GALK2: variants seen among roughly 807,000 people sequenced by gnomAD.
The protein encoded by GALK2 is galactokinase 2, also known as N-acetylgalactosamine kinase.
GALK2 carries 36 observed loss-of-function variants against 52.4 expected under a neutral mutation model. The ratio of observed to expected loss-of-function variants is 0.69; its 90% CI spans 0.53 to 0.91. GALK2 has a LOEUF of 0.91. GALK2 is among the 40% of genes least tolerant of loss of function. GALK2 has a pLI of 0.00. For missense variants in GALK2, 579 were observed against 559.1 expected (o/e 1.04, Z -0.36); for synonymous variants, 176 against 199.1 (o/e 0.88, Z 0.98).
intron 3 of GALK2, among the ~76,000 whole-genome samples, chr15:49,338,306 T>C (rs2040115167): frequency 6.6e-6 from 1 of 152,232 alleles, no homozygotes; most frequent in African/African-American, 2.4e-5. Flanking sequence ...CTTTCAGCTC[T>C]TGGAGGGCAG....
chr15:49,287,941 TTCTCTG>T (rs1363820080), intron 7 of GALK2, among the ~76,000 whole-genome samples: 1 of 112,330 alleles, frequency 8.9e-6, no homozygotes, highest in Non-Finnish European at 1.9e-5. Flanking sequence ...CTCATCTTGT[TTCTCTG>T]TCTCTGTCTC....
intron 1 of GALK2, among the ~76,000 whole-genome samples, chr15:49,178,195 C>CTATATATATATATATATA (rs71120671): frequency 1.5e-3 from 75 of 50,446 alleles, no homozygotes; most frequent in South Asian, 2.0e-3. Context: ...AAAAGAAATA[C>CTATATATATATATATATA]TATATATATA....
intron 8 of GALK2, among the ~76,000 whole-genome samples, chr15:49,306,669 G>A (rs774016719): frequency 6.6e-6 from 1 of 152,160 alleles, no homozygotes; most frequent in Non-Finnish European, 1.5e-5. Flanking sequence ...GCATGACCAT[G>A]TTTCTCATAG....
At chr15:49,365,899 T>C in intron 3 of GALK2, 1 of 959,098 alleles carries the variant, frequency 1.0e-6, no homozygotes. Context: ...AGCAAGAGAG[T>C]TGTACAGACT....
chr15:49,282,370 G>C (rs2032824100), intron 6 of GALK2, among the ~76,000 whole-genome samples: 2 of 152,064 alleles, frequency 1.3e-5, no homozygotes, highest in East Asian at 1.9e-4. Context: ...TCATTGTTAA[G>C]ATGAGCTTTC....
At chr15:49,163,673 T>G (rs2084727184) in intron 1 of GALK2, among the ~76,000 whole-genome samples, 1 of 152,206 alleles carries the variant, frequency 6.6e-6, no homozygotes, top group Non-Finnish European at 1.5e-5. Flanking sequence ...TAAAATATAT[T>G]TTTCATAATT....
At chr15:49,354,796 C>CA (rs1478464741) in intron 3 of GALK2, among the ~76,000 whole-genome samples, 1 of 151,896 alleles carries the variant, frequency 6.6e-6, no homozygotes, top group Admixed American at 6.6e-5. Context: ...AGGGCACAGA[C>CA]AAACAAAAAG....
intron 5 of GALK2, among the ~76,000 whole-genome samples, chr15:49,270,644 A>G (rs561919252): frequency 8.5e-5 from 13 of 152,308 alleles, no homozygotes; most frequent in African/African-American, 3.1e-4. Context: ...ACTACATGTC[A>G]AAGTGTTTGC....
chr15:49,340,890 G>A (rs1816367252), intron 3 of GALK2, among the ~76,000 whole-genome samples: 1 of 152,116 alleles, frequency 6.6e-6, no homozygotes, highest in African/African-American at 2.4e-5. Flanking sequence ...GATTCTTATA[G>A]TGTAAAGTCT....
chr15:49,213,941 C>G (rs1163143508), intron 2 of GALK2, among the ~76,000 whole-genome samples: 1 of 151,882 alleles, frequency 6.6e-6, no homozygotes, highest in Non-Finnish European at 1.5e-5. Flanking sequence ...CACGGTGAAA[C>G]CCCATCTCTA....
At chr15:49,254,573 G>T (rs1431930583) in intron 5 of GALK2, among the ~76,000 whole-genome samples, 1 of 142,806 alleles carries the variant, frequency 7.0e-6, no homozygotes, top group African/African-American at 2.5e-5. Flanking sequence ...TTCTCATCAG[G>T]TTTTATAAAT....
In GALK2 at chr15:49,307,567, C is replaced by G. The variant is rs777458321; in HGVS notation, c.968-12037C>G. On this transcript the variant is annotated intron_variant, in intron 8 of 9. Coordinates refer to ENST00000560031, the MANE Select transcript of GALK2 (RefSeq NM_002044.4). ...GAAAGAAGAGAGTGATGGGCTCTGT[C>G]TTGTAATGTGTATGACCCTGGAGTT... 5.9e-5 allele frequency among the ~76,000 whole-genome samples: 9 copies of G among 152,094 alleles called. No homozygotes were observed. The South Asian group carries it at 6.2e-4, about 11-fold the overall frequency.
chr15:49,294,934 C>T (rs1255254817), intron 8 of GALK2, among the ~76,000 whole-genome samples: 4 of 152,108 alleles, frequency 2.6e-5, no homozygotes, highest in Non-Finnish European at 4.4e-5. Context: ...GAGTCGAGTA[C>T]TGGAGAACAT....
chr15:49,178,195 CTATATATATATATATA>C (rs71120671), intron 1 of GALK2, among the ~76,000 whole-genome samples: 8 of 50,530 alleles, frequency 1.6e-4, no homozygotes, highest in East Asian at 1.4e-3. Flanking sequence ...AAAAGAAATA[CTATATATATATATATA>C]TATATATATA....
At chr15:49,357,596 A>G (rs1008424285) in intron 3 of GALK2, among the ~76,000 whole-genome samples, 62 of 151,254 alleles carry the variant, frequency 4.1e-4, no homozygotes, top group African/African-American at 1.4e-3. Flanking sequence ...GCAATAATCA[A>G]TAGCTTACCA....
chr15:49,268,012 A>C (rs1210519527), intron 5 of GALK2, among the ~76,000 whole-genome samples: 1 of 152,228 alleles, frequency 6.6e-6, no homozygotes, highest in East Asian at 1.9e-4. Context: ...ATATTCATTT[A>C]TCAGGGGAAG....
At chr15:49,218,586 G>C (rs2089562624) in intron 3 of GALK2, among the ~76,000 whole-genome samples, 2 of 152,106 alleles carry the variant, frequency 1.3e-5, no homozygotes, top group Non-Finnish European at 2.9e-5. Context: ...GAGGCAGGAG[G>C]CTTGATTCTA....
intron 1 of GALK2, among the ~76,000 whole-genome samples, chr15:49,158,231 G>A (rs962038539): frequency 1.3e-5 from 2 of 152,154 alleles, no homozygotes; most frequent in African/African-American, 4.8e-5. Context: ...TCCCAGAGAT[G>A]CCCCTGGAAA....
intron 3 of GALK2, among the ~76,000 whole-genome samples, chr15:49,227,534 G>A (rs537041576): frequency 6.6e-6 from 1 of 151,906 alleles, no homozygotes; most frequent in East Asian, 1.9e-4. Flanking sequence ...CAGATGAAAA[G>A]AGGTTTTATT....
Sources: gnomAD v4.1 joint callset for allele counts (sites outside exome capture counted in the v4.1 genomes callset) on GRCh38, gnomAD v4.1.1 for gene constraint, MANE v1.5 for transcripts, NCBI Gene and HGNC (gene_info 2026-07-23, HGNC 2026-07-21) for gene names.